L3MBTL4: variants seen among roughly 807,000 people sequenced by gnomAD.
L3MBTL4 encodes L3MBTL histone methyl-lysine binding protein 4, also known as lethal(3)malignant brain tumor-like protein 4.
A neutral mutation model predicts 84.5 loss-of-function variants in L3MBTL4; 70 were observed. That is an observed-to-expected ratio of 0.83 (90% CI 0.68 to 1.01). The LOEUF (loss-of-function observed/expected upper bound fraction) is 1.01. Ranked by LOEUF, L3MBTL4 falls within the 50% of genes least tolerant of loss-of-function variation. The probability of loss-of-function intolerance (pLI) is 0.00; values close to 1 mark genes in which losing one functional copy is unlikely to be tolerated. For missense variants in L3MBTL4, 715 were observed against 754.8 expected, an observed-to-expected ratio of 0.95 and a Z score of 0.62; for synonymous variants, 274 against 259.8, an observed-to-expected ratio of 1.05 and a Z score of -0.52.
chr18:6,029,583 T>G (rs2055680710), intron 16 of L3MBTL4: 1 of 985,302 alleles, frequency 1.0e-6, no homozygotes, highest in Non-Finnish European at 1.2e-6. Context: ...GATAAACTGC[T>G]TAGGAATAAA....
chr18:5,956,517 G>C, intron 18 of L3MBTL4, 130 bp from the exon 19 acceptor site: 1 of 728,892 alleles, frequency 1.4e-6, no homozygotes, highest in South Asian at 1.8e-5. Flanking sequence ...ACCAGTGAGA[G>C]AGAATGACGG....
At chr18:6,254,716 C>T (rs1165809938) in intron 5 of L3MBTL4, among the ~76,000 whole-genome samples, 3 of 152,126 alleles carry the variant, frequency 2.0e-5, no homozygotes, top group African/African-American at 7.2e-5. Flanking sequence ...TAAGTGAATG[C>T]AGTTCTTATT....
chr18:6,030,271 T>C (rs955983578), intron 16 of L3MBTL4: 1 of 984,606 alleles, frequency 1.0e-6, no homozygotes, highest in Non-Finnish European at 1.2e-6. Context: ...CTTATACCTG[T>C]TGAATTTTGC....
At chr18:6,031,385 G>A (rs1052147936) in intron 16 of L3MBTL4, 9 of 985,314 alleles carry the variant, frequency 9.1e-6, no homozygotes, top group Non-Finnish European at 9.6e-6. Flanking sequence ...GAATGTATAT[G>A]AGGTGCTACT....
At chr18:6,407,648 C>A (rs2055790249) in intron 1 of L3MBTL4, among the ~76,000 whole-genome samples, 1 of 152,142 alleles carries the variant, frequency 6.6e-6, no homozygotes, top group African/African-American at 2.4e-5. Context: ...TCTTAGAAGC[C>A]TACACACAGA....
chr18:6,323,752 G>C (rs1447855532), intron 1 of L3MBTL4, among the ~76,000 whole-genome samples: 2 of 152,238 alleles, frequency 1.3e-5, no homozygotes, highest in African/African-American at 2.4e-5. Flanking sequence ...GAGTGTAAAA[G>C]TTTGGAAAAT....
Position 6,241,316 on chromosome 18 carries a change from C to G in L3MBTL4, c.552+42G>C, listed in dbSNP as rs371277423. 228 of 1,130,892 alleles carry G rather than the reference C, an allele frequency of 2.0e-4. 3 individuals are homozygous for G. In the South Asian group the frequency reaches 2.8e-3, roughly 14 times the overall value. The allele number at this position is 1,130,892 out of a possible 1,614,324, so 70.1% of individuals were successfully genotyped here. On this transcript the variant is annotated intron_variant, in intron 8 of 18. Transcript: ENST00000317931. ...TATAGTGAATTTTAAGAAATTTAAG[C>G]TTGGGGGAAATTTGATTTATGCTGG... is the stretch of plus-strand genomic sequence containing the variant.
intron 4 of L3MBTL4, among the ~76,000 whole-genome samples, chr18:6,296,050 G>A (rs2050096868): frequency 6.6e-6 from 1 of 152,122 alleles, no homozygotes; most frequent in African/African-American, 2.4e-5. Context: ...GAATGAACAG[G>A]TCCCTCACAA....
intron 16 of L3MBTL4, among the ~76,000 whole-genome samples, chr18:5,993,710 T>C (rs72873881): frequency 0.038 from 5,850 of 152,290 alleles, 179 homozygotes; most frequent in Non-Finnish European, 0.062. Context: ...TATACAATTA[T>C]GTTGGTTATT....
intron 16 of L3MBTL4, among the ~76,000 whole-genome samples, chr18:6,017,560 G>C (rs2055050817): frequency 6.6e-6 from 1 of 152,222 alleles, no homozygotes; most frequent in Non-Finnish European, 1.5e-5. Flanking sequence ...ATTGAGGATA[G>C]CATGGCCCCT....
intron 1 of L3MBTL4, among the ~76,000 whole-genome samples, chr18:6,351,895 A>T (rs1201311921): frequency 6.6e-6 from 1 of 152,008 alleles, no homozygotes; most frequent in Non-Finnish European, 1.5e-5. Flanking sequence ...TATGTTGCCC[A>T]TGCTGGTCTC....
chr18:5,986,899 C>A (rs147330588), intron 16 of L3MBTL4, among the ~76,000 whole-genome samples: 8 of 152,342 alleles, frequency 5.3e-5, no homozygotes, highest in African/African-American at 1.9e-4. Context: ...GAAATTAAAT[C>A]CCTTGTATGA....
At chr18:5,988,371 C>T (rs1452705441) in intron 16 of L3MBTL4, among the ~76,000 whole-genome samples, 4 of 152,074 alleles carry the variant, frequency 2.6e-5, no homozygotes, top group Non-Finnish European at 4.4e-5. Context: ...GTTGGAGGGG[C>T]CCTGTATGAT....
intron 5 of L3MBTL4, among the ~76,000 whole-genome samples, chr18:6,252,945 T>C (rs957043606): frequency 1.3e-5 from 2 of 152,212 alleles, no homozygotes; most frequent in African/African-American, 4.8e-5. Flanking sequence ...GGCTCACGCC[T>C]GTAATCCCAG....
intron 1 of L3MBTL4, among the ~76,000 whole-genome samples, chr18:6,320,039 A>G (rs1225484450): frequency 2.0e-5 from 3 of 152,094 alleles, no homozygotes; most frequent in African/African-American, 7.2e-5. Context: ...TAAAAACAAA[A>G]GCCATATGAT....
chr18:6,156,722 G>A (rs2043120685), intron 13 of L3MBTL4, among the ~76,000 whole-genome samples: 1 of 152,196 alleles, frequency 6.6e-6, no homozygotes, highest in South Asian at 2.1e-4. Flanking sequence ...AAACCACTGA[G>A]TTGTTTCATC....
At chr18:5,994,988 T>A (rs1413798121) in intron 16 of L3MBTL4, among the ~76,000 whole-genome samples, 9 of 152,274 alleles carry the variant, frequency 5.9e-5, no homozygotes, top group Admixed American at 2.0e-4. Context: ...CATTCTGATT[T>A]AGTGAGACTT....
At chr18:6,189,398 T>C (rs1005003945) in intron 12 of L3MBTL4, among the ~76,000 whole-genome samples, 1 of 152,202 alleles carries the variant, frequency 6.6e-6, no homozygotes, top group African/African-American at 2.4e-5. Flanking sequence ...CAACCCACTA[T>C]AGGCCCTCAC....
chr18:6,378,954 T>C (rs1458960483), intron 1 of L3MBTL4, among the ~76,000 whole-genome samples: 4 of 149,094 alleles, frequency 2.7e-5, no homozygotes, highest in African/African-American at 5.1e-5. Flanking sequence ...TCCATGAGCA[T>C]AGAATGCTTT....
Sources: allele counts gnomAD v4.1 joint callset (sites outside exome capture counted in the v4.1 genomes callset), GRCh38; gene constraint gnomAD v4.1.1; transcripts MANE v1.5; gene names NCBI Gene and HGNC (gene_info 2026-07-23, HGNC 2026-07-21).